Variants in ZNF277 observed in about 807,000 individuals in gnomAD.
ZNF277 encodes the protein nuclear receptor-interacting factor 4.
ZNF277 carries 55 observed loss-of-function variants against 60.7 expected under a neutral mutation model. The ratio of observed to expected loss-of-function variants is 0.91; its 90% confidence interval spans 0.73 to 1.13. ZNF277 has a LOEUF of 1.13. Ranked by LOEUF, ZNF277 falls within the 50% of genes most tolerant of loss-of-function variation. ZNF277 has a pLI of 0.00. For missense variants in ZNF277, 510 were observed against 523.0 expected (o/e 0.98, Z 0.24); for synonymous variants, 178 against 179.3 (o/e 0.99, Z 0.06).
chr7:112,248,191 T>C (rs1234891535), intron 1 of ZNF277, among the ~76,000 whole-genome samples: 1 of 151,998 alleles, frequency 6.6e-6, no homozygotes, highest in Non-Finnish European at 1.5e-5. Context: ...GAAAATTTAA[T>C]GTATTTCCAA....
At chr7:112,212,861 C>T (rs1821787116) in intron 1 of ZNF277, among the ~76,000 whole-genome samples, 1 of 152,202 alleles carries the variant, frequency 6.6e-6, no homozygotes, top group Non-Finnish European at 1.5e-5. Flanking sequence ...TACTCACACC[C>T]AGCTCCCCAC....
At position 112,340,962 on chromosome 7, in the gene ZNF277, A is replaced by C; in HGVS notation, c.1100A>C (p.Lys367Thr). ...CRCYGCHVKF[K>T]SKADLRTHME... ...TGTTATGGCTGCCATGTGAAGTTCA[A>C]ATCCAAAGCAGACTTAAGAACTCAC... The change falls in exon 11 of 12, where the codon AAA becomes ACA. Residue 367 changes from lysine (K) to threonine (T), a missense_variant. By Grantham distance (78) the Lys-to-Thr change is moderately conservative (BLOSUM62 -1). Transcript: ENST00000361822. 1 of 1,612,904 alleles carries C rather than the reference A, an allele frequency of 6.2e-7. No homozygotes were observed. Among genetic ancestry groups the C allele is most frequent in the South Asian group, 1.1e-5 (1 of 90,554 alleles).
intron 4 of ZNF277, among the ~76,000 whole-genome samples, chr7:112,311,570 T>C (rs1200772258): frequency 6.6e-6 from 1 of 152,082 alleles, no homozygotes; most frequent in Non-Finnish European, 1.5e-5. Context: ...ACAAAGTAGA[T>C]GGGCACATCT....
chr7:112,299,819 C>A (rs1045757436), intron 4 of ZNF277, among the ~76,000 whole-genome samples: 2 of 152,110 alleles, frequency 1.3e-5, no homozygotes, highest in Non-Finnish European at 2.9e-5. Flanking sequence ...CGAGGAAGAA[C>A]CCTCAAACTA....
chr7:112,216,598 C>T (rs1026287719), intron 1 of ZNF277, among the ~76,000 whole-genome samples: 4 of 152,202 alleles, frequency 2.6e-5, no homozygotes, highest in African/African-American at 9.7e-5. Flanking sequence ...CCCACTTCTC[C>T]TTCCGACTGA....
At chr7:112,309,738 G>A (rs573317708) in intron 4 of ZNF277, among the ~76,000 whole-genome samples, 1 of 151,982 alleles carries the variant, frequency 6.6e-6, no homozygotes, top group South Asian at 2.1e-4. Flanking sequence ...CACAAATTGG[G>A]GGTTCCTCAG....
chr7:112,289,507 T>G (rs1792155867), intron 2 of ZNF277, among the ~76,000 whole-genome samples: 1 of 152,254 alleles, frequency 6.6e-6, no homozygotes, highest in Non-Finnish European at 1.5e-5. Flanking sequence ...CTGCTCCTCA[T>G]TATCATTTGT....
At chr7:112,273,109 T>C (rs1394094074) in intron 1 of ZNF277, among the ~76,000 whole-genome samples, 1 of 152,224 alleles carries the variant, frequency 6.6e-6, no homozygotes, top group African/African-American at 2.4e-5. Context: ...CCGCTGGCTC[T>C]GAGCCTAGCA....
intron 4 of ZNF277, among the ~76,000 whole-genome samples, chr7:112,301,609 C>T (rs1792471662): frequency 6.6e-6 from 1 of 152,150 alleles, no homozygotes; most frequent in South Asian, 2.1e-4. Context: ...GAATGGCAAT[C>T]CCCACCTGTA....
intron 1 of ZNF277, among the ~76,000 whole-genome samples, chr7:112,244,308 CT>C (rs1302669628): frequency 4.6e-5 from 7 of 152,130 alleles, no homozygotes; most frequent in Non-Finnish European, 7.4e-5. Context: ...CTGTAATAGT[CT>C]TTCTGTGCAA....
chr7:112,318,303 T>C, intron 5 of ZNF277, 30 bp downstream of exon 5: 1 of 1,583,682 alleles, frequency 6.3e-7, no homozygotes, highest in Non-Finnish European at 8.7e-7. Flanking sequence ...TAAATGTTAC[T>C]GTTTTTAATC....
intron 1 of ZNF277, among the ~76,000 whole-genome samples, chr7:112,252,884 AAGAACCT>A (rs1467170120): frequency 6.6e-6 from 1 of 152,196 alleles, no homozygotes; most frequent in African/African-American, 2.4e-5. Context: ...AGTATTCCCT[AAGAACCT>A]AGATGTAGTG....
intron 7 of ZNF277, chr7:112,330,548 CTTT>C (rs1171213748): frequency 0.17 from 17,907 of 107,822 alleles, 305 homozygotes; most frequent in African/African-American, 0.23. Context: ...AGACTCCTTT[CTTT>C]TTTTTTTTTT....
chr7:112,330,441 A>C, intron 7 of ZNF277: 1 of 541,982 alleles, frequency 1.8e-6, no homozygotes, highest in South Asian at 2.8e-5. Context: ...ATGTCTCTAG[A>C]ACTCACAGTC....
intron 1 of ZNF277, among the ~76,000 whole-genome samples, chr7:112,229,904 C>G (rs1477620594): frequency 6.6e-6 from 1 of 152,190 alleles, no homozygotes; most frequent in Admixed American, 6.5e-5. Context: ...ATGGGTATGC[C>G]TTCTTGATAG....
chr7:112,216,767 C>CCTA (rs1448557897), intron 1 of ZNF277, among the ~76,000 whole-genome samples: 7 of 152,130 alleles, frequency 4.6e-5, no homozygotes, highest in Admixed American at 1.3e-4. Flanking sequence ...ATAATTCAGT[C>CCTA]CTAGCATCTG....
chr7:112,260,744 T>C (rs1042770521), intron 1 of ZNF277, among the ~76,000 whole-genome samples: 2 of 152,184 alleles, frequency 1.3e-5, no homozygotes, highest in African/African-American at 4.8e-5. Context: ...AAAATGGGAA[T>C]GAAATCAGGA....
intron 1 of ZNF277, among the ~76,000 whole-genome samples, chr7:112,245,140 T>C (rs1791054260): frequency 6.6e-6 from 1 of 152,252 alleles, no homozygotes; most frequent in African/African-American, 2.4e-5. Flanking sequence ...CTTGGCTTTC[T>C]GATTTCTTAC....
At chr7:112,206,871 C>A in intron 1 of ZNF277, 64 bp downstream of exon 1, 2 of 1,531,776 alleles carry the variant, frequency 1.3e-6, no homozygotes, top group South Asian at 1.1e-5. Context: ...GGGTGTGCAA[C>A]GGACCTCTGG....
Sources: allele counts gnomAD v4.1 joint callset (sites outside exome capture counted in the v4.1 genomes callset), GRCh38; gene constraint gnomAD v4.1.1; transcripts MANE v1.5; gene names NCBI Gene and HGNC (gene_info 2026-07-23, HGNC 2026-07-21).